Variants in PATL1 observed in about 807,000 individuals in gnomAD.
The protein encoded by PATL1 is PAT1 homolog 1, processing body mRNA decay factor.
Under a neutral mutation model 100.6 loss-of-function variants are expected in PATL1, and 32 were observed. The ratio of observed to expected loss-of-function variants is 0.32; its 90% CI spans 0.24 to 0.43. PATL1 has a LOEUF of 0.43. Among genes scored for constraint, PATL1 ranks in the 20% least tolerant of loss-of-function variants. The pLI, the probability that PATL1 is intolerant of heterozygous loss-of-function variation, is 1.00. For missense variants in PATL1, 747 were observed against 949.9 expected (o/e 0.79, Z 2.81); for synonymous variants, 332 against 330.0 (o/e 1.01, Z -0.07).
rs1214757782 is a variant in PATL1 at position 59,652,402 on chromosome 11, A to C, written c.1426+62T>G. On this transcript the variant is annotated intron_variant, in intron 11 of 18. Transcript: ENST00000300146. ...TCCACATATACACTTGTCTATATTTAATCACATCAGCAGCTTCTCAAATTT... is the reference window on the plus strand; with the variant it reads ...TCCACATATACACTTGTCTATATTTCATCACATCAGCAGCTTCTCAAATTT... The C allele has an allele frequency of 1.9e-6, 3 of 1,547,886 alleles. No individual in the cohort carries two copies. In the East Asian group the frequency reaches 6.8e-5, roughly 35 times the overall value.
chr11:59,645,766 G>A (rs1229983915), intron 15 of PATL1, among the ~76,000 whole-genome samples: 1 of 152,094 alleles, frequency 6.6e-6, no homozygotes, highest in Admixed American at 6.5e-5. Flanking sequence ...GCCAGTATGA[G>A]TCTCTTGAAG....
chr11:59,659,023 G>C (rs1352078919), intron 3 of PATL1, 77 bp from the exon 4 acceptor site: 1 of 1,301,650 alleles, frequency 7.7e-7, no homozygotes, highest in Non-Finnish European at 1.1e-6. Context: ...TGGGGAACAA[G>C]GTTCCAAAAG....
Position 59,637,841 on chromosome 11 carries a change from G to C in PATL1, c.*549C>G, listed in dbSNP as rs1477917196. ...GGTTTGTGTTTAGAAGAGGTAATGA[G>C]ACAACTAAATATTTTTCAATCTAAA... On this transcript the variant is annotated 3_prime_UTR_variant, in exon 19 of 19. Coordinates refer to ENST00000300146, the MANE Select transcript of PATL1 (RefSeq NM_152716.3). 6.5e-6 allele frequency: 1 copy of C among 153,706 alleles called. No homozygotes were observed. Among genetic ancestry groups the C allele is most frequent in the East Asian group, 1.9e-4 (1 of 5,240 alleles). The allele number at this position is 153,706 out of a possible 1,614,324, so 9.5% of individuals were successfully genotyped here. A position where few individuals can be genotyped will look rare whatever the true frequency, so the allele number is the denominator to read the frequency against.
chr11:59,668,138 T>G (rs951729946), intron 1 of PATL1, among the ~76,000 whole-genome samples: 8 of 152,230 alleles, frequency 5.3e-5, no homozygotes, highest in African/African-American at 1.4e-4. Context: ...CTTTTTTAAA[T>G]TAAAAATTCT....
chr11:59,649,838 T>C (rs1319415739), intron 13 of PATL1, among the ~76,000 whole-genome samples: 4 of 151,940 alleles, frequency 2.6e-5, no homozygotes, highest in South Asian at 2.1e-4. Context: ...GACAGTAAAA[T>C]AGTCTAGACG....
In PATL1 at chr11:59,649,447, C is replaced by T. The variant is rs368994263; in HGVS notation, c.1733+15G>A. 14 of 1,611,102 alleles carry T rather than the reference C, an allele frequency of 8.7e-6. No homozygotes were observed. In the African/African-American group the frequency reaches 1.3e-4, roughly 15 times the overall value. ...GAGTCCAGTTAATGTTTTCCTCAAA[C>T]TGCACGATGCTTACCTCTCTTGTCC... On this transcript the variant is annotated intron_variant, in intron 14 of 18. Coordinates refer to ENST00000300146, the MANE Select transcript of PATL1 (RefSeq NM_152716.3).
chr11:59,654,580 G>A lies in PATL1; in HGVS notation c.1032-508C>T, dbSNP rs541256254. On this transcript the variant is annotated intron_variant, in intron 8 of 18. Transcript: ENST00000300146. ...TTTACATATCTTCTACAAAGACCAA[G>A]TTCTAAAAGGGTGATCATGAAATCT... is the stretch of plus-strand genomic sequence containing the variant. Among the ~76,000 whole-genome samples, 16 of 151,450 alleles carry A rather than the reference G, an allele frequency of 1.1e-4. No individual in the cohort carries two copies. The South Asian group carries it at 3.1e-3, about 30-fold the overall frequency.
chr11:59,642,018 T>C (rs1861289346), intron 16 of PATL1, among the ~76,000 whole-genome samples: 1 of 152,166 alleles, frequency 6.6e-6, no homozygotes, highest in Non-Finnish European at 1.5e-5. Context: ...AACTACTATG[T>C]ACCAGGCATT....
chr11:59,664,842 G>A (rs1234211530), intron 2 of PATL1, among the ~76,000 whole-genome samples: 1 of 152,224 alleles, frequency 6.6e-6, no homozygotes, highest in Non-Finnish European at 1.5e-5. Flanking sequence ...AGTGCTGAGA[G>A]CTGTGGGCTT....
chr11:59,648,970 G>C (rs560425635), intron 14 of PATL1, among the ~76,000 whole-genome samples: 1 of 152,336 alleles, frequency 6.6e-6, no homozygotes, highest in Non-Finnish European at 1.5e-5. Flanking sequence ...TTTAACATCA[G>C]CAAGATTCTT....
chr11:59,657,985 G>A (rs1054218022), intron 4 of PATL1, among the ~76,000 whole-genome samples: 1 of 151,500 alleles, frequency 6.6e-6, no homozygotes, highest in African/African-American at 2.4e-5. Context: ...GCAACACAGC[G>A]AGACTTCATC....
At chr11:59,654,489 TA>T (rs528454364) in intron 8 of PATL1, among the ~76,000 whole-genome samples, 1,116 of 82,406 alleles carry the variant, frequency 0.014, 4 homozygotes, top group African/African-American at 0.026. Flanking sequence ...TCAAAAACAT[TA>T]AAAAAAAAAA....
chr11:59,644,870 A>G (rs1489176577), intron 15 of PATL1, among the ~76,000 whole-genome samples: 1 of 147,694 alleles, frequency 6.8e-6, no homozygotes, highest in Non-Finnish European at 1.5e-5. Flanking sequence ...AGCCTGGACA[A>G]CATAGGGAGA....
rs1014797734 is a variant in PATL1, at chr11:59,651,482, G to A, written c.1524+62C>T. 6.9e-6 allele frequency: 9 copies of A among 1,310,510 alleles called. No homozygotes were observed. In the African/African-American group the frequency reaches 1.3e-4, roughly 19 times the overall value. 81.2% of individuals were successfully genotyped at this position (1,310,510 alleles called of 1,614,324 possible). On this transcript the variant is annotated intron_variant, in intron 12 of 18. Transcript: ENST00000300146. ...ACCATGCCTGATCTCATTCCATGGT[G>A]ACCCCAAAAGAAGTGGTCACAAATC...
At chr11:59,650,028 G>T (rs926977641) in intron 13 of PATL1, among the ~76,000 whole-genome samples, 2 of 151,716 alleles carry the variant, frequency 1.3e-5, no homozygotes, top group African/African-American at 4.8e-5. Flanking sequence ...GGCTGAGGCA[G>T]GAGAATTACT....
At chr11:59,641,128 G>A (rs1289122758) in intron 16 of PATL1, among the ~76,000 whole-genome samples, 4 of 151,760 alleles carry the variant, frequency 2.6e-5, no homozygotes, top group Admixed American at 6.6e-5. Flanking sequence ...ACAAGATATC[G>A]CCATTGCACT....
intron 8 of PATL1, 122 bp from the exon 9 acceptor site, chr11:59,654,194 G>T (rs778741688): frequency 3.6e-6 from 3 of 842,710 alleles, no homozygotes; most frequent in East Asian, 5.2e-5. Context: ...AAGTCTATTC[G>T]GGATGGGTGC....
intron 14 of PATL1, 69 bp downstream of exon 14, chr11:59,649,393 T>TA (rs1861409737): frequency 2.3e-5 from 36 of 1,546,228 alleles, no homozygotes; most frequent in Non-Finnish European, 2.9e-5. Context: ...AAGGCAAAAA[T>TA]GTATGAAATC....
intron 2 of PATL1, among the ~76,000 whole-genome samples, chr11:59,660,761 A>T (rs566094742): frequency 2.0e-5 from 3 of 152,350 alleles, no homozygotes; most frequent in African/African-American, 7.2e-5. Flanking sequence ...TTAACTTTTA[A>T]AAGAATCACT....
Sources: allele counts gnomAD v4.1 joint callset (sites outside exome capture counted in the v4.1 genomes callset), GRCh38; gene constraint gnomAD v4.1.1; transcripts MANE v1.5; gene names NCBI Gene and HGNC (gene_info 2026-07-23, HGNC 2026-07-21).